Variants in ANKRD28 observed in about 807,000 individuals in gnomAD.
ANKRD28 encodes serine/threonine-protein phosphatase 6 regulatory ankyrin repeat subunit A.
ANKRD28 carries 44 observed loss-of-function variants against 126.5 expected under a neutral mutation model. The ratio of observed to expected loss-of-function variants is 0.35; its 90% CI spans 0.27 to 0.45. The LOEUF (loss-of-function observed/expected upper bound fraction) is 0.45. ANKRD28 is among the 20% of genes least tolerant of loss of function. The pLI is 1.00. For missense variants in ANKRD28, 1,110 were observed against 1,316.6 expected (o/e 0.84, Z 2.43); for synonymous variants, 442 against 468.5 (o/e 0.94, Z 0.73).
At chr3:15,674,311 T>C (rs1164133358) in intron 27 of ANKRD28, among the ~76,000 whole-genome samples, 1 of 150,454 alleles carries the variant, frequency 6.6e-6, no homozygotes, top group Non-Finnish European at 1.5e-5. Flanking sequence ...ACTTTAGAGG[T>C]GGAGTCAATA....
At chr3:15,823,096 A>G (rs893939739) in intron 1 of ANKRD28, among the ~76,000 whole-genome samples, 3 of 152,222 alleles carry the variant, frequency 2.0e-5, no homozygotes, top group Non-Finnish European at 2.9e-5. Flanking sequence ...TGCACCAGGG[A>G]CTGGTGTTGT....
At position 15,679,551 on chromosome 3, in the gene ANKRD28, C is replaced by T; in HGVS notation, c.2402G>A (p.Cys801Tyr). Reference sequence around the variant, plus strand: ...TTCCTGTTCTAAAAGCAGTTCTACACATGTCTCGTGACCTAAATAGGTGTA... The same window carrying T: ...TTCCTGTTCTAAAAGCAGTTCTACATATGTCTCGTGACCTAAATAGGTGTA... ...HWACYNGHET[C>Y]VELLLEQEVF... Residue 801 changes from cysteine to tyrosine, a missense_variant, in exon 22 of 28, where the codon TGT (cysteine) becomes TAT (tyrosine). Coordinates refer to ENST00000683139, the MANE Select transcript of ANKRD28 (RefSeq NM_001349278.2). The T allele has an allele frequency of 6.2e-7, 1 of 1,611,636 alleles. No homozygotes were observed. The highest frequency in any genetic ancestry group is 8.5e-7 in the Non-Finnish European group (1 of 1,178,498).
intron 21 of ANKRD28, among the ~76,000 whole-genome samples, chr3:15,680,026 T>C (rs1426086814): frequency 6.6e-6 from 1 of 152,170 alleles, no homozygotes; most frequent in Non-Finnish European, 1.5e-5. Flanking sequence ...ATAAGGGACT[T>C]GAGCGCCTGT....
At position 15,846,241 on chromosome 3, in the gene ANKRD28, G is replaced by A. The variant is rs1464660160; in HGVS notation, c.27+13136C>T. ...AAGATACAATGGAGGTACAGGCATT[G>A]GGTAAACGTTCCTGTTCCAATGGGA... On this transcript the variant is annotated intron_variant, in intron 1 of 27. Transcript: ENST00000399451. This position sits in a 1 kb window ranked among gnomAD's most constrained non-coding sequence, Gnocchi z 5.4. 1.3e-5 allele frequency among the ~76,000 whole-genome samples: 2 copies of A among 152,230 alleles called. No individual in the cohort carries two copies. The highest frequency in any genetic ancestry group is 2.4e-5 in the African/African-American group (1 of 41,458).
At chr3:15,808,182 G>C (rs1284551389) in intron 1 of ANKRD28, among the ~76,000 whole-genome samples, 1 of 152,194 alleles carries the variant, frequency 6.6e-6, no homozygotes, top group African/African-American at 2.4e-5. Flanking sequence ...AGTTAAATTA[G>C]CAGTTGTTAA....
At chr3:15,825,624 G>T (rs2061048094) in intron 1 of ANKRD28, among the ~76,000 whole-genome samples, 1 of 152,050 alleles carries the variant, frequency 6.6e-6, no homozygotes, top group Non-Finnish European at 1.5e-5. Flanking sequence ...ACCCATAAAA[G>T]ATTGATAAGA....
intron 1 of ANKRD28, among the ~76,000 whole-genome samples, chr3:15,825,807 C>T (rs1559577163): frequency 6.6e-6 from 1 of 152,010 alleles, no homozygotes; most frequent in African/African-American, 2.4e-5. Flanking sequence ...ATAGGCAATT[C>T]ACAAAAAACA....
Position 15,816,634 on chromosome 3 carries a change from T to C in ANKRD28, c.28-21328A>G, listed in dbSNP as rs1294124830. ...TGGTGCCCTTTATTTTACTACACTA[T>C]TTAACCCACTAGATGCTAACTAACA... On this transcript the variant is annotated intron_variant, in intron 1 of 27. Transcript: ENST00000399451. The surrounding 1 kb of genome is among the most constrained non-coding windows in gnomAD (Gnocchi z 5.0). 2.6e-5 allele frequency among the ~76,000 whole-genome samples: 4 copies of C among 151,872 alleles called. No homozygotes were observed. The East Asian group carries it at 7.7e-4, about 29-fold the overall frequency.
At chr3:15,774,589 A>G (rs529004806) in intron 2 of ANKRD28, among the ~76,000 whole-genome samples, 1 of 152,194 alleles carries the variant, frequency 6.6e-6, no homozygotes, top group Non-Finnish European at 1.5e-5. Flanking sequence ...AAAAGCACTC[A>G]TATATGAATA....
intron 12 of ANKRD28, among the ~76,000 whole-genome samples, chr3:15,710,202 G>A (rs2072052526): frequency 6.6e-6 from 1 of 152,070 alleles, no homozygotes. Context: ...CATGAGTCCT[G>A]TCAGCTTTCC....
chr3:15,783,565 CAT>C (rs940862394), intron 2 of ANKRD28, among the ~76,000 whole-genome samples: 12 of 152,064 alleles, frequency 7.9e-5, no homozygotes, highest in African/African-American at 2.9e-4. Context: ...CTTGTACACA[CAT>C]GTTCACAGTA....
intron 8 of ANKRD28, among the ~76,000 whole-genome samples, chr3:15,718,328 G>C (rs1016976932): frequency 1.3e-5 from 2 of 152,168 alleles, no homozygotes; most frequent in African/African-American, 4.8e-5. Context: ...AACATCACAG[G>C]CTGTTGCTGT....
chr3:15,857,869 G>A (rs1007912464), intron 1 of ANKRD28, among the ~76,000 whole-genome samples: 1 of 152,138 alleles, frequency 6.6e-6, no homozygotes, highest in African/African-American at 2.4e-5. Context: ...GGAAAACATC[G>A]ATCAGTCATT....
rs772592085 is a variant in ANKRD28 at position 15,838,930 on chromosome 3, C to T, written c.27+20447G>A. The stretch of plus-strand genomic sequence containing the variant: ...CATACAATGGAATACTATTCAGCAA[C>T]GAAGAACCAATTAATACATGTTACA... On this transcript the variant is annotated intron_variant, in intron 1 of 27. Transcript: ENST00000399451. The surrounding 1 kb of genome is among the most constrained non-coding windows in gnomAD (Gnocchi z 4.0). Among the ~76,000 whole-genome samples, 13 of 151,924 alleles carry T rather than the reference C, an allele frequency of 8.6e-5. No homozygotes were observed. The highest frequency in any genetic ancestry group is 3.9e-4 in the East Asian group (2 of 5,184).
rs542912828 is a variant in ANKRD28 at position 15,824,173 on chromosome 3, GT to G, written c.28-28868del. Among the ~76,000 whole-genome samples the G allele has an allele frequency of 5.2e-4, 79 of 152,302 alleles. 1 individual carries two copies. Among genetic ancestry groups the G allele is most frequent in the African/African-American group, 1.8e-3 (76 of 41,576 alleles). ...CATAGAAAATCCTAAAGAATGTTTTGTTTTGTTTTCTTTGAGATTGGGTCTC... is the reference window on the plus strand; with the variant it reads ...CATAGAAAATCCTAAAGAATGTTTTGTTTGTTTTCTTTGAGATTGGGTCTC... On this transcript the variant is annotated intron_variant, in intron 1 of 27. Coordinates refer to the ANKRD28 transcript ENST00000399451.
intron 1 of ANKRD28, among the ~76,000 whole-genome samples, chr3:15,837,775 CA>C (rs1404609262): frequency 1.4e-5 from 2 of 148,124 alleles, no homozygotes; most frequent in African/African-American, 5.0e-5. Flanking sequence ...GGGGAAAAAA[CA>C]ATCAATATTA....
chr3:15,676,938 G>A (rs1208433749), intron 26 of ANKRD28, 36 bp downstream of exon 26: 7 of 1,530,778 alleles, frequency 4.6e-6, no homozygotes, highest in African/African-American at 1.4e-5. Flanking sequence ...ATAATTATAG[G>A]TCACAAAGTT....
At chr3:15,699,792 G>A (rs375847157) in intron 14 of ANKRD28, among the ~76,000 whole-genome samples, 5 of 152,190 alleles carry the variant, frequency 3.3e-5, no homozygotes, top group Admixed American at 2.6e-4. Flanking sequence ...CAGTGGGAGT[G>A]TAAATTAGTT....
intron 17 of ANKRD28, 68 bp from the exon 18 acceptor site, chr3:15,690,288 A>C: frequency 7.7e-7 from 1 of 1,293,278 alleles, no homozygotes; most frequent in Non-Finnish European, 1.1e-6. Flanking sequence ...TACTTGAATA[A>C]ATGTAAATAA....
Sources: allele counts gnomAD v4.1 joint callset (sites outside exome capture counted in the v4.1 genomes callset), GRCh38; gene constraint gnomAD v4.1.1; non-coding constraint Gnocchi (gnomAD v3.1); transcripts MANE v1.5; gene names NCBI Gene and HGNC (gene_info 2026-07-23, HGNC 2026-07-21).